ZMYND11: variants seen among roughly 807,000 people sequenced by gnomAD.
ZMYND11 encodes zinc finger MYND domain-containing protein 11.
Under a neutral mutation model 84.9 loss-of-function variants are expected in ZMYND11, and 9 were observed. The ratio of observed to expected loss-of-function variants is 0.11; its 90% confidence interval spans 0.06 to 0.18. The LOEUF is 0.18. ZMYND11 is among the 10% of genes least tolerant of loss of function. ZMYND11 has a pLI of 1.00. For missense variants in ZMYND11, 409 were observed against 761.0 expected (o/e 0.54, Z 5.44); for synonymous variants, 250 against 244.1 (o/e 1.02, Z -0.23).
intron 1 of ZMYND11, among the ~76,000 whole-genome samples, chr10:136,241 G>C (rs374840856): frequency 2.0e-5 from 3 of 152,164 alleles, no homozygotes; most frequent in African/African-American, 4.8e-5. Flanking sequence ...CTGGGACGAG[G>C]GGGGGCGCCG....
chr10:243,608 G>A (rs1951501071), intron 10 of ZMYND11, among the ~76,000 whole-genome samples: 1 of 152,190 alleles, frequency 6.6e-6, no homozygotes, highest in African/African-American at 2.4e-5. Flanking sequence ...GCTCACGCCT[G>A]TAATCCCTGC....
Position 253,495 on chromosome 10 carries a change from T to C in ZMYND11, c.*1025T>C, listed in dbSNP as rs1262828656. ...TGTACACAGAATGAAGAATAATGCA[T>C]GTTAATTTTCTTGTATTAAAGATGC... On this transcript the variant is annotated 3_prime_UTR_variant, in exon 15 of 15. Transcript: ENST00000381604. The C allele has an allele frequency of 6.5e-6, 1 of 152,682 alleles. No individual in the cohort carries two copies. The highest frequency in any genetic ancestry group is 2.4e-5 in the African/African-American group (1 of 41,470). The allele number at this position is 152,682 out of a possible 1,614,324, so 9.5% of individuals were successfully genotyped here.
intron 3 of ZMYND11, among the ~76,000 whole-genome samples, chr10:217,560 AT>A (rs1358963794): frequency 1.3e-5 from 2 of 152,064 alleles, no homozygotes; most frequent in African/African-American, 4.8e-5. Flanking sequence ...GTGATAATGA[AT>A]TTTAAAATGC....
At chr10:236,538 ATGTC>A (rs2131672326) in intron 4 of ZMYND11, among the ~76,000 whole-genome samples, 1 of 152,326 alleles carries the variant, frequency 6.6e-6, no homozygotes, top group East Asian at 1.9e-4. Flanking sequence ...ATTATCCCTT[ATGTC>A]TATTATTTGT....
chr10:204,992 C>T (rs558118410), intron 2 of ZMYND11, among the ~76,000 whole-genome samples: 1 of 151,912 alleles, frequency 6.6e-6, no homozygotes, highest in East Asian at 1.9e-4. Context: ...GTTTTCTTAC[C>T]ATTACATGCT....
At chr10:137,807 A>G (rs1402213615) in intron 1 of ZMYND11, among the ~76,000 whole-genome samples, 1 of 152,226 alleles carries the variant, frequency 6.6e-6, no homozygotes, top group Non-Finnish European at 1.5e-5. Flanking sequence ...TGACCAGGCT[A>G]GAGAATCAGA....
At position 240,489 on chromosome 10, in the gene ZMYND11, T is replaced by C. The variant is rs1392913291; in HGVS notation, c.753+378T>C. ...ACTGCACCCCAGCCTGGTGACAAAA[T>C]GAGATTCTGTCTCAAAACAAAACAA... On this transcript the variant is annotated intron_variant, in intron 8 of 14. Transcript: ENST00000381604. 2.0e-5 allele frequency among the ~76,000 whole-genome samples: 3 copies of C among 152,156 alleles called. No individual in the cohort carries two copies. The East Asian group carries it at 5.8e-4, about 29-fold the overall frequency.
At chr10:248,653 CCTGT>C in intron 13 of ZMYND11, 45 bp downstream of exon 13, 4 of 1,552,704 alleles carry the variant, frequency 2.6e-6, no homozygotes, top group Non-Finnish European at 3.5e-6. Context: ...AGCCGGCACT[CCTGT>C]CATGGTTAGG....
In ZMYND11 at chr10:135,976, G is replaced by T. The variant is rs1336094499; in HGVS notation, c.-20+417G>T. Reference sequence around the variant, plus strand: ...CCCGTGCGCAGTCCGGGCCGGCGGGGAACGCGGCTCCGGGCGTGTGGCGGG... The same window carrying T: ...CCCGTGCGCAGTCCGGGCCGGCGGGTAACGCGGCTCCGGGCGTGTGGCGGG... On this transcript the variant is annotated intron_variant, in intron 1 of 14. Coordinates refer to ENST00000381604, the MANE Select transcript of ZMYND11 (RefSeq NM_001370100.5). The surrounding 1 kb of genome is among the most constrained non-coding windows in gnomAD (Gnocchi z 5.6). Among the ~76,000 whole-genome samples, 2 of 151,914 alleles carry T rather than the reference G, an allele frequency of 1.3e-5. No individual in the cohort carries two copies. The highest frequency in any genetic ancestry group is 1.5e-5 in the Non-Finnish European group (1 of 67,924).
intron 1 of ZMYND11, among the ~76,000 whole-genome samples, chr10:158,985 T>G (rs988096686): frequency 4.6e-5 from 1 of 21,938 alleles, no homozygotes; most frequent in African/African-American, 1.1e-4. Context: ...GGGTTTTTTG[T>G]TTTTTGTTTT....
Position 240,914 on chromosome 10 carries a change from A to C in ZMYND11, c.775A>C (p.Lys259Gln). 6.2e-7 allele frequency: 1 copy of C among 1,613,638 alleles called. No individual in the cohort carries two copies. The highest frequency in any genetic ancestry group is 1.1e-5 in the South Asian group (1 of 90,928). ...CHELDELQLC[K>Q]NCFYLSNARP... is the part of the protein sequence containing the mutation. ...TCAGCTGGATGAACTGCAGCTTTGC[A>C]AGAATTGCTTTTACTTGTCAAATGC... Residue 259 changes from lysine (K) to glutamine (Q), a missense_variant, in exon 9 of 15, where the codon AAG becomes CAG. By Grantham distance (53) the Lys-to-Gln change is moderately conservative. This residue lies in a region of ZMYND11 where 59 missense variants were observed against 151.0 expected (regional missense o/e 0.39). Transcript: ENST00000381604.
intron 1 of ZMYND11, among the ~76,000 whole-genome samples, chr10:172,671 C>A (rs1845629545): frequency 6.6e-6 from 1 of 152,084 alleles, no homozygotes; most frequent in South Asian, 2.1e-4. Context: ...TCCATTCTTC[C>A]CACTTTTATG....
intron 1 of ZMYND11, among the ~76,000 whole-genome samples, chr10:158,173 CT>C (rs1554760005): frequency 6.6e-6 from 1 of 152,144 alleles, no homozygotes; most frequent in African/African-American, 2.4e-5. Context: ...ATCAGTAATA[CT>C]GCGTGGATGT....
intron 1 of ZMYND11, among the ~76,000 whole-genome samples, chr10:146,465 T>C (rs1554755334): frequency 1.3e-5 from 2 of 152,216 alleles, no homozygotes; most frequent in African/African-American, 4.8e-5. Context: ...GGCAGCATGG[T>C]TGTTTTCACA....
chr10:138,361 C>A lies in ZMYND11; in HGVS notation c.-20+2802C>A, dbSNP rs186911320. Among the ~76,000 whole-genome samples the A allele has an allele frequency of 9.1e-4, 139 of 152,270 alleles. 3 individuals are homozygous for A. In the South Asian group the frequency reaches 0.011, roughly 12 times the overall value. On this transcript the variant is annotated intron_variant, in intron 1 of 14. Coordinates refer to ENST00000381604, the MANE Select transcript of ZMYND11 (RefSeq NM_001370100.5). ...CAGACTCCTGGCCTCAAATGATCCA[C>A]CTGCCTTGGCCTCCCAAAGTGCTGA...
At chr10:155,548 G>A (rs782515918) in intron 1 of ZMYND11, among the ~76,000 whole-genome samples, 5 of 152,098 alleles carry the variant, frequency 3.3e-5, no homozygotes, top group Non-Finnish European at 5.9e-5. Context: ...AGAAAATCGC[G>A]AACAATACAG....
At position 200,204 on chromosome 10, in the gene ZMYND11, G is replaced by GT. The variant is rs1348487909; in HGVS notation, c.117-9685_117-9684insT. 4.5e-4 allele frequency among the ~76,000 whole-genome samples: 49 copies of GT among 108,104 alleles called. 2 individuals are homozygous for GT. The highest frequency in any genetic ancestry group is 6.5e-4 in the Non-Finnish European group (36 of 55,140). The allele number at this position is 108,104 out of a possible 152,430, so 70.9% of individuals were successfully genotyped here. A position where few individuals can be genotyped will look rare whatever the true frequency, so the allele number is the denominator to read the frequency against. The stretch of plus-strand genomic sequence containing the variant: ...AGACATGTGCTGCCATGCCTGGCTA[G>GT]GGTGTGTGTGTGTGTGTGTGTATAA... On this transcript the variant is annotated intron_variant, in intron 2 of 14. Coordinates refer to ENST00000381604, the MANE Select transcript of ZMYND11 (RefSeq NM_001370100.5).
At chr10:203,104 C>T (rs1487851892) in intron 2 of ZMYND11, among the ~76,000 whole-genome samples, 4 of 152,090 alleles carry the variant, frequency 2.6e-5, no homozygotes, top group Admixed American at 6.6e-5. Context: ...CAATAAGCAT[C>T]CTCAAGAGTC....
chr10:201,652 G>A (rs1439309399), intron 2 of ZMYND11, among the ~76,000 whole-genome samples: 1 of 148,194 alleles, frequency 6.7e-6, no homozygotes, highest in Admixed American at 6.9e-5. Flanking sequence ...ATGATCTCGG[G>A]GAGGGGATCA....
Sources: allele counts gnomAD v4.1 joint callset (sites outside exome capture counted in the v4.1 genomes callset), GRCh38; gene constraint gnomAD v4.1.1; regional missense constraint gnomAD v4.1.1; non-coding constraint Gnocchi (gnomAD v3.1); transcripts MANE v1.5; gene names NCBI Gene and HGNC (gene_info 2026-07-23, HGNC 2026-07-21).